KCNJ4: variants seen among roughly 807,000 people sequenced by gnomAD.
KCNJ4 encodes the protein inward rectifier potassium channel 4.
KCNJ4 carries 3 observed loss-of-function variants against 25.6 expected under a neutral mutation model. The ratio of observed to expected loss-of-function variants is 0.12; its 90% CI spans 0.05 to 0.30. The LOEUF (loss-of-function observed/expected upper bound fraction) is 0.30, where lower values mean the gene tolerates loss of function less well. Ranked by LOEUF, KCNJ4 falls within the 10% of genes least tolerant of loss-of-function variation. The pLI, the probability that KCNJ4 is intolerant of heterozygous loss-of-function variation, is 1.00. For synonymous variants in KCNJ4, 257 were observed against 283.9 expected (o/e 0.91, Z 0.95); for missense variants, 286 against 666.8 (o/e 0.43, Z 6.29).
chr22:38,445,081 G>A (rs1182832629), intron 1 of KCNJ4, among the ~76,000 whole-genome samples: 1 of 152,124 alleles, frequency 6.6e-6, no homozygotes, highest in Non-Finnish European at 1.5e-5. Context: ...GTGCGTGTGT[G>A]TGTGTGAAAG....
At chr22:38,430,518 T>G (rs923363580) in intron 1 of KCNJ4, among the ~76,000 whole-genome samples, 2 of 150,938 alleles carry the variant, frequency 1.3e-5, no homozygotes, top group African/African-American at 4.9e-5. Flanking sequence ...AAAAAGAAAA[T>G]GAGAAAATTG....
chr22:38,448,266 A>G (rs964763326), intron 1 of KCNJ4, among the ~76,000 whole-genome samples: 1 of 148,244 alleles, frequency 6.7e-6, no homozygotes, highest in African/African-American at 2.5e-5. Context: ...AAAAAAAAAA[A>G]GGAACCCTCC....
chr22:38,428,616 A>G (rs2093040044), intron 1 of KCNJ4, among the ~76,000 whole-genome samples: 1 of 152,022 alleles, frequency 6.6e-6, no homozygotes, highest in Admixed American at 6.6e-5. Flanking sequence ...CGGGGGCTGG[A>G]CATCCTCCTG....
intron 1 of KCNJ4, among the ~76,000 whole-genome samples, chr22:38,445,606 C>T (rs7288369): frequency 0.088 from 13,460 of 152,238 alleles, 678 homozygotes; most frequent in East Asian, 0.18. Context: ...GGCCTCCCAA[C>T]GTGCTGGGAT....
chr22:38,431,836 A>T (rs2093050721), intron 1 of KCNJ4, among the ~76,000 whole-genome samples: 2 of 152,176 alleles, frequency 1.3e-5, no homozygotes, highest in African/African-American at 4.8e-5. Context: ...AACCACCAGG[A>T]GATGGCCAGA....
chr22:38,445,040 C>T (rs912748432), intron 1 of KCNJ4, among the ~76,000 whole-genome samples: 3 of 151,996 alleles, frequency 2.0e-5, no homozygotes, highest in Non-Finnish European at 2.9e-5. Context: ...TGCTGAGCTC[C>T]GTGCACGCAT....
intron 1 of KCNJ4, among the ~76,000 whole-genome samples, chr22:38,429,123 CTGGGA>C (rs2093041751): frequency 6.7e-6 from 1 of 150,252 alleles, no homozygotes; most frequent in South Asian, 2.1e-4. Flanking sequence ...AAAAGTTCTA[CTGGGA>C]CCCGCAGCCC....
At chr22:38,450,841 C>T (rs1213024923) in intron 1 of KCNJ4, among the ~76,000 whole-genome samples, 2 of 152,170 alleles carry the variant, frequency 1.3e-5, no homozygotes, top group African/African-American at 2.4e-5. Flanking sequence ...GGGGGTGTCA[C>T]GCTGTGGGGG....
intron 1 of KCNJ4, among the ~76,000 whole-genome samples, chr22:38,447,291 A>AGATGGGGT (rs2089381764): frequency 6.6e-6 from 1 of 152,096 alleles, no homozygotes; most frequent in Non-Finnish European, 1.5e-5. Flanking sequence ...GGAGATGGGG[A>AGATGGGGT]GCTCCCCGTG....
At position 38,426,589 on chromosome 22, in the gene KCNJ4, A is replaced by G. The variant is rs1489083807; in HGVS notation, c.*206T>C. On this transcript the variant is annotated 3_prime_UTR_variant, in exon 2 of 2. Transcript: ENST00000303592. ...AGCCACCAGAAGTAGGCGCTGGCGG[A>G]ACTCAGGCTGATCGGGGCCGAGCTC... 1.6e-6 allele frequency: 1 copy of G among 608,774 alleles called. No individual in the cohort carries two copies. The highest frequency in any genetic ancestry group is 2.8e-6 in the Non-Finnish European group (1 of 355,632). The allele number at this position is 608,774 out of a possible 1,614,324, so 37.7% of individuals were successfully genotyped here. A position where few individuals can be genotyped will look rare whatever the true frequency, so the allele number is the denominator to read the frequency against.
intron 1 of KCNJ4, among the ~76,000 whole-genome samples, chr22:38,441,619 C>T (rs946071286): frequency 2.0e-5 from 3 of 152,034 alleles, no homozygotes; most frequent in African/African-American, 4.8e-5. Context: ...CTGGGATGCT[C>T]GGCTGGCCCC....
intron 1 of KCNJ4, among the ~76,000 whole-genome samples, chr22:38,454,646 A>G (rs2089428829): frequency 6.6e-6 from 1 of 152,024 alleles, no homozygotes; most frequent in African/African-American, 2.4e-5. Context: ...CCTGCCTTGA[A>G]GCTCCCCGGC....
intron 1 of KCNJ4, among the ~76,000 whole-genome samples, chr22:38,448,530 G>A (rs2089391249): frequency 6.6e-6 from 1 of 152,040 alleles, no homozygotes; most frequent in Admixed American, 6.5e-5. Flanking sequence ...CCTTCCCCTC[G>A]CTCCGATCTG....
chr22:38,439,853 G>A (rs1292126096), intron 1 of KCNJ4, among the ~76,000 whole-genome samples: 2 of 149,840 alleles, frequency 1.3e-5, no homozygotes, highest in East Asian at 3.9e-4. Context: ...CACTTTGGGA[G>A]GCCAAGGCAG....
At chr22:38,439,948 G>A (rs753313697) in intron 1 of KCNJ4, among the ~76,000 whole-genome samples, 4 of 150,448 alleles carry the variant, frequency 2.7e-5, no homozygotes, top group East Asian at 2.0e-4. Flanking sequence ...AAAATTAGCC[G>A]GGCATGGTGG....
rs1014955757 is a variant in KCNJ4 at position 38,427,955 on chromosome 22, T to C, written c.178A>G (p.Met60Val). The C allele has an allele frequency of 3.1e-5, 50 of 1,614,038 alleles. No homozygotes were observed. The highest frequency in any genetic ancestry group is 1.6e-4 in the Middle Eastern group (1 of 6,084). The change falls in exon 2 of 2, where the codon ATG (methionine) becomes GTG (valine). Residue 60 changes from methionine (M) to valine (V), a missense_variant. Transcript: ENST00000303592. ...ACAAGGAAGGCCGCGGAGAAGATCA[T>C]GAGCATGTAGCGCCAGCGCGTGTCC... The part of the protein sequence containing the change: ...CVDTRWRYML[M>V]IFSAAFLVSW...
At chr22:38,448,333 G>C (rs1337717778) in intron 1 of KCNJ4, among the ~76,000 whole-genome samples, 3 of 151,850 alleles carry the variant, frequency 2.0e-5, no homozygotes, top group Non-Finnish European at 4.4e-5. Flanking sequence ...GGCAAAACAG[G>C]AAAAGGCTGA....
rs750382942 is a variant in KCNJ4, at chr22:38,427,046, C to T, written c.1087G>A (p.Ala363Thr). The T allele has an allele frequency of 7.4e-6, 12 of 1,612,438 alleles. No individual in the cohort carries two copies. The highest frequency in any genetic ancestry group is 3.3e-5 in the Admixed American group (2 of 60,006). The change falls in exon 2 of 2, where the codon GCC (alanine) becomes ACC (threonine). Residue 363 changes from alanine (A) to threonine (T), a missense_variant. Ala to Thr is a moderately conservative substitution (Grantham distance 58). This residue lies in a region of KCNJ4 where 36 missense variants were observed against 100.1 expected (regional missense o/e 0.36). Coordinates refer to ENST00000303592, the MANE Select transcript of KCNJ4 (RefSeq NM_152868.3). ...LQESKITVLPAPPPPPSAFCY... is the reference protein window; with the variant it reads ...LQESKITVLPTPPPPPSAFCY... ...AAGGCACTGGGAGGGGGCGGTGGGG[C>T]GGGCAGCACGGTGATCTTACTCTCC...
chr22:38,438,327 G>A (rs2089307716), intron 1 of KCNJ4, among the ~76,000 whole-genome samples: 1 of 151,722 alleles, frequency 6.6e-6, no homozygotes, highest in Non-Finnish European at 1.5e-5. Flanking sequence ...TTGAACCTGG[G>A]AGGCAGAGGT....
Sources: gnomAD v4.1 joint callset for allele counts (sites outside exome capture counted in the v4.1 genomes callset) on GRCh38, gnomAD v4.1.1 for gene constraint, gnomAD v4.1.1 regional missense constraint, MANE v1.5 for transcripts, NCBI Gene and HGNC (gene_info 2026-07-23, HGNC 2026-07-21) for gene names.